Variants in ASXL2 observed in about 807,000 individuals in gnomAD.
ASXL2 encodes the protein putative Polycomb group protein ASXL2.
A neutral mutation model predicts 122.0 loss-of-function variants in ASXL2; 23 were observed. The observed-to-expected ratio is 0.19, with a 90% CI of 0.14 to 0.27. The LOEUF (loss-of-function observed/expected upper bound fraction) is 0.27. ASXL2 is among the 10% of genes least tolerant of loss of function. The pLI is 1.00. For missense variants in ASXL2, 1,518 were observed against 1,713.8 expected (o/e 0.89, Z 2.02); for synonymous variants, 650 against 637.0 (o/e 1.02, Z -0.31).
chr2:25,775,553 A>T (rs1006309854), intron 5 of ASXL2, among the ~76,000 whole-genome samples: 1 of 152,098 alleles, frequency 6.6e-6, no homozygotes, highest in Admixed American at 6.5e-5. Flanking sequence ...CGTGATAGTG[A>T]GTTCTCATGA....
At position 25,733,928 on chromosome 2, in the gene ASXL2, T is replaced by G. The variant is rs981515481; in HGVS notation, c.*8101A>C. On this transcript the variant is annotated 3_prime_UTR_variant, in exon 13 of 13. Coordinates refer to ENST00000435504, the MANE Select transcript of ASXL2 (RefSeq NM_018263.6). ...GAGGAGCTAAAAGGCAGAGTTTATT[T>G]GTCAAAGTGCTAAGGCCTATGCGCA... 10 of 152,216 alleles carry G rather than the reference T, an allele frequency of 6.6e-5. No homozygotes were observed. Among genetic ancestry groups the G allele is most frequent in the Non-Finnish European group, 1.2e-4 (8 of 68,036 alleles). The allele number at this position is 152,216 out of a possible 1,614,324, so 9.4% of individuals were successfully genotyped here. A position where few individuals can be genotyped will look rare whatever the true frequency, so the allele number is the denominator to read the frequency against.
At chr2:25,821,038 G>A (rs2089301720) in intron 3 of ASXL2, among the ~76,000 whole-genome samples, 1 of 151,956 alleles carries the variant, frequency 6.6e-6, no homozygotes, top group South Asian at 2.1e-4. Flanking sequence ...AATTAGCCGG[G>A]CATGGAGGCA....
chr2:25,846,292 G>C (rs1387461732), intron 1 of ASXL2, among the ~76,000 whole-genome samples: 1 of 152,280 alleles, frequency 6.6e-6, no homozygotes, highest in East Asian at 1.9e-4. Flanking sequence ...GGGAGCAGCT[G>C]TGGTAATACC....
chr2:25,813,904 G>T (rs2089203020), intron 3 of ASXL2, among the ~76,000 whole-genome samples: 1 of 152,104 alleles, frequency 6.6e-6, no homozygotes, highest in Non-Finnish European at 1.5e-5. Flanking sequence ...CCAAAAATTA[G>T]CCGGGCGTGA....
chr2:25,761,745 A>T (rs1385170867), intron 8 of ASXL2, among the ~76,000 whole-genome samples: 1 of 152,020 alleles, frequency 6.6e-6, no homozygotes, highest in Non-Finnish European at 1.5e-5. Context: ...AATAAGGTAG[A>T]TAATATCTGT....
At chr2:25,855,783 C>T (rs34982027) in intron 1 of ASXL2, among the ~76,000 whole-genome samples, 40,576 of 149,156 alleles carry the variant, frequency 0.27, 5,832 homozygotes, top group African/African-American at 0.31. Flanking sequence ...TTGCAGTGAG[C>T]CGAGATCGTG....
intron 1 of ASXL2, among the ~76,000 whole-genome samples, chr2:25,851,799 G>T (rs578146069): frequency 6.6e-6 from 1 of 152,284 alleles, no homozygotes; most frequent in East Asian, 1.9e-4. Flanking sequence ...GCTGAGGCAC[G>T]AGAACCGCTT....
intron 8 of ASXL2, among the ~76,000 whole-genome samples, chr2:25,765,478 C>A (rs6546462): frequency 0.67 from 101,128 of 151,342 alleles, 35,122 homozygotes; most frequent in Non-Finnish European, 0.77. Flanking sequence ...GCGCGACTCC[C>A]TCTCAAAAAA....
chr2:25,779,084 ATT>A (rs33911748), intron 5 of ASXL2, among the ~76,000 whole-genome samples: 32,392 of 97,946 alleles, frequency 0.33, 4,026 homozygotes, highest in Middle Eastern at 0.42. Context: ...CTTTTTTCTG[ATT>A]TTTTTTTTTT....
At chr2:25,795,980 G>A (rs1001513879) in intron 5 of ASXL2, among the ~76,000 whole-genome samples, 29 of 152,148 alleles carry the variant, frequency 1.9e-4, no homozygotes, top group Non-Finnish European at 2.2e-4. Context: ...CACCCTCTTT[G>A]TCTTGCTTTC....
chr2:25,800,122 C>T (rs1446999432), intron 4 of ASXL2, among the ~76,000 whole-genome samples: 5 of 151,872 alleles, frequency 3.3e-5, no homozygotes, highest in Admixed American at 6.6e-5. Context: ...GGTGAAACCC[C>T]ACCTCTACAA....
chr2:25,827,658 C>G (rs575199679), intron 3 of ASXL2, among the ~76,000 whole-genome samples: 2 of 152,294 alleles, frequency 1.3e-5, no homozygotes, highest in Non-Finnish European at 2.9e-5. Flanking sequence ...TTTCTTCATA[C>G]TCTTTTCCTC....
intron 3 of ASXL2, among the ~76,000 whole-genome samples, chr2:25,813,954 G>C (rs2089203605): frequency 6.6e-6 from 1 of 152,196 alleles, no homozygotes; most frequent in South Asian, 2.1e-4. Context: ...GGAGGCTGAG[G>C]CAGGAGAATG....
intron 1 of ASXL2, among the ~76,000 whole-genome samples, chr2:25,860,180 G>A (rs1261968332): frequency 1.3e-5 from 2 of 151,910 alleles, no homozygotes; most frequent in East Asian, 1.9e-4. Flanking sequence ...GCATGGTGGC[G>A]CATGCCTGTA....
At chr2:25,837,689 A>G (rs2089527895) in intron 2 of ASXL2, among the ~76,000 whole-genome samples, 1 of 152,082 alleles carries the variant, frequency 6.6e-6, no homozygotes, top group South Asian at 2.1e-4. Flanking sequence ...GTCTCTACAA[A>G]AAATTTAAAA....
intron 8 of ASXL2, 141 bp downstream of exon 8, chr2:25,767,442 A>C: frequency 1.2e-6 from 1 of 835,196 alleles, no homozygotes; most frequent in Non-Finnish European, 1.8e-6. Flanking sequence ...TTATGTTAGC[A>C]ACAAAAAAAA....
chr2:25,771,668 T>C (rs1314728583), intron 5 of ASXL2, 128 bp from the exon 6 acceptor site: 1 of 745,474 alleles, frequency 1.3e-6, no homozygotes, highest in Non-Finnish European at 2.1e-6. Context: ...CGATGTACTT[T>C]TTGGAGTTTT....
chr2:25,778,452 C>T lies in ASXL2; in HGVS notation c.404-6912G>A, dbSNP rs573785928. Among the ~76,000 whole-genome samples the T allele has an allele frequency of 2.6e-5, 4 of 152,330 alleles. No homozygotes were observed. In the South Asian group the frequency reaches 6.2e-4, roughly 24 times the overall value. ...GGAGTGCAGACACGCCAACATCTTG[C>T]TTTCAGACTTCTGGCATTCAGAACT... On this transcript the variant is annotated intron_variant, in intron 5 of 12. Transcript: ENST00000435504.
chr2:25,760,715 T>G (rs1250127798), intron 8 of ASXL2, among the ~76,000 whole-genome samples: 2 of 152,146 alleles, frequency 1.3e-5, no homozygotes, highest in Non-Finnish European at 2.9e-5. Context: ...TTCCTACAAA[T>G]TAAAATCTGG....
Sources: allele counts gnomAD v4.1 joint callset (sites outside exome capture counted in the v4.1 genomes callset), GRCh38; gene constraint gnomAD v4.1.1; transcripts MANE v1.5; gene names NCBI Gene and HGNC (gene_info 2026-07-23, HGNC 2026-07-21).